Variants in STON1 observed in about 807,000 individuals in gnomAD.
The protein encoded by STON1 is stonin 1.
In STON1, 79 loss-of-function variants were observed where a neutral mutation model predicts 60.9. The ratio of observed to expected loss-of-function variants is 1.30; its 90% confidence interval spans 1.08 to 1.56. The LOEUF is 1.56. Ranked by LOEUF, STON1 falls within the 40% of genes most tolerant of loss-of-function variation. The probability of loss-of-function intolerance (pLI) is 0.00; values close to 1 mark genes in which losing one functional copy is unlikely to be tolerated. For missense variants in STON1, 1,166 were observed against 858.9 expected (o/e 1.36, Z -4.47); for synonymous variants, 363 against 306.9 (o/e 1.18, Z -1.91).
chr2:48,557,763 T>C (rs1159595909), intron 1 of STON1, among the ~76,000 whole-genome samples: 1 of 152,248 alleles, frequency 6.6e-6, no homozygotes, highest in East Asian at 1.9e-4. Flanking sequence ...CCTTTGGTAG[T>C]CTTTGAAATT....
Position 48,582,377 on chromosome 2 carries a change from C to G in STON1, c.1744C>G (p.Leu582Val), listed in dbSNP as rs755254150. The stretch of plus-strand genomic sequence containing the variant: ...TGTCCCATCGCAGTGGATCAAGGCC[C>G]TTTGGACCATGAACCTCCAGAGGCA... ...FPVPSQWIKALWTMNLQRQKS... is the reference protein window; with the variant it reads ...FPVPSQWIKAVWTMNLQRQKS... Residue 582 changes from leucine to valine, a missense_variant, in exon 2 of 4, where the codon CTT (leucine) becomes GTT (valine). Leu to Val is a conservative substitution (Grantham distance 32). Transcript: ENST00000404752. 1.2e-5 allele frequency: 19 copies of G among 1,613,996 alleles called. No individual in the cohort carries two copies. The South Asian group carries it at 2.1e-4, about 18-fold the overall frequency.
Position 48,539,532 on chromosome 2 carries a change from C to T in STON1, c.-48+9316C>T, listed in dbSNP as rs111276250. The stretch of plus-strand genomic sequence containing the variant: ...TCTTTTTTGAGATGGGATGGAGTCT[C>T]GCTCTGTCACCCAGGCTGGAGTGCA... On this transcript the variant is annotated intron_variant, in intron 1 of 3. Transcript: ENST00000404752. 6.4e-3 allele frequency among the ~76,000 whole-genome samples: 969 copies of T among 152,054 alleles called. 11 individuals carry two copies. The highest frequency in any genetic ancestry group is 0.022 in the African/African-American group (905 of 41,498).
Position 48,580,886 on chromosome 2 carries a change from A to C in STON1, c.253A>C (p.Thr85Pro). The change falls in exon 2 of 4, where the codon ACC becomes CCC. Residue 85 changes from threonine to proline, a missense_variant. Transcript: ENST00000404752. ...AAGTAACTCTCCTCTTTCTACACCTACCAAAGACTTCCCAGGTTTTCCTGG... is the reference window on the plus strand; with the variant it reads ...AAGTAACTCTCCTCTTTCTACACCTCCCAAAGACTTCCCAGGTTTTCCTGG... ...PPSNSPLSTP[T>P]KDFPGFPGIP... 3 of 1,589,974 alleles carry C rather than the reference A, an allele frequency of 1.9e-6. No homozygotes were observed. The highest frequency in any genetic ancestry group is 2.6e-6 in the Non-Finnish European group (3 of 1,170,260).
chr2:48,551,713 A>T (rs1023489968), intron 1 of STON1, among the ~76,000 whole-genome samples: 1 of 152,212 alleles, frequency 6.6e-6, no homozygotes, highest in Admixed American at 6.5e-5. Context: ...GCATGTAAAA[A>T]ACTCTGGGAT....
At chr2:48,536,810 A>G (rs1015669742) in intron 1 of STON1, among the ~76,000 whole-genome samples, 1 of 152,152 alleles carries the variant, frequency 6.6e-6, no homozygotes, top group Non-Finnish European at 1.5e-5. Context: ...CAGGTGAATG[A>G]TTACTGGTGA....
chr2:48,532,290 A>C (rs1415267859), intron 1 of STON1, among the ~76,000 whole-genome samples: 1 of 151,932 alleles, frequency 6.6e-6, no homozygotes, highest in African/African-American at 2.4e-5. Flanking sequence ...CGGAGGTTGC[A>C]GTGAGCCGAG....
intron 1 of STON1, among the ~76,000 whole-genome samples, chr2:48,571,682 C>G (rs777266409): frequency 6.6e-6 from 1 of 152,126 alleles, no homozygotes; most frequent in Non-Finnish European, 1.5e-5. Flanking sequence ...AGGCTCTGGA[C>G]AGGGTGTGGC....
chr2:48,591,614 A>C (rs547609408), intron 2 of STON1, 39 bp from the exon 3 acceptor site: 1 of 1,605,464 alleles, frequency 6.2e-7, no homozygotes, highest in Admixed American at 1.7e-5. Flanking sequence ...TTCAATGGCC[A>C]TTAAAATACT....
At position 48,570,001 on chromosome 2, in the gene STON1, C is replaced by T. The variant is rs35106332; in HGVS notation, c.-47-10586C>T. 6.9e-3 allele frequency among the ~76,000 whole-genome samples: 1,044 copies of T among 152,168 alleles called. 8 individuals carry two copies. The highest frequency in any genetic ancestry group is 0.012 in the Non-Finnish European group (821 of 68,010). ...TGTTTGTGAAAGATGTATTTTTAAA[C>T]GATTTAGAGTCAATTCATGATAATC... On this transcript the variant is annotated intron_variant, in intron 1 of 3. Transcript: ENST00000404752.
At chr2:48,558,165 G>GT (rs1444685114) in intron 1 of STON1, among the ~76,000 whole-genome samples, 5 of 152,232 alleles carry the variant, frequency 3.3e-5, no homozygotes, top group Non-Finnish European at 7.3e-5. Context: ...AGAGGCGGCA[G>GT]TGAGCCAAGA....
intron 1 of STON1, among the ~76,000 whole-genome samples, chr2:48,558,040 T>C (rs1226219519): frequency 6.6e-6 from 1 of 152,114 alleles, no homozygotes; most frequent in African/African-American, 2.4e-5. Flanking sequence ...ATGACCAATA[T>C]GGAGAAACCC....
chr2:48,558,185 T>C (rs1024553930), intron 1 of STON1, among the ~76,000 whole-genome samples: 2 of 152,340 alleles, frequency 1.3e-5, no homozygotes, highest in African/African-American at 4.8e-5. Flanking sequence ...ATCGCACCAT[T>C]GCACTTCTAG....
At position 48,572,367 on chromosome 2, in the gene STON1, C is replaced by T. The variant is rs892094134; in HGVS notation, c.-47-8220C>T. Among the ~76,000 whole-genome samples the T allele has an allele frequency of 5.9e-5, 9 of 152,272 alleles. No homozygotes were observed. In the East Asian group the frequency reaches 1.7e-3, roughly 29 times the overall value. ...TATTTGGTTGAATAAACTCACATCA[C>T]ATTTGCTGAGTGCCTCCTATGGAAG... is the stretch of plus-strand genomic sequence containing the variant. On this transcript the variant is annotated intron_variant, in intron 1 of 3. Coordinates refer to ENST00000404752, the MANE Select transcript of STON1 (RefSeq NM_006873.4).
At chr2:48,547,961 C>A (rs1380571534) in intron 1 of STON1, among the ~76,000 whole-genome samples, 1 of 152,186 alleles carries the variant, frequency 6.6e-6, no homozygotes, top group Non-Finnish European at 1.5e-5. Flanking sequence ...TTTTTTTCTG[C>A]TTCTCATGTC....
At chr2:48,541,903 G>A (rs948475802) in intron 1 of STON1, among the ~76,000 whole-genome samples, 1 of 152,126 alleles carries the variant, frequency 6.6e-6, no homozygotes, top group African/African-American at 2.4e-5. Flanking sequence ...TCTGGCCAAT[G>A]TTTTCAGTCC....
intron 3 of STON1, among the ~76,000 whole-genome samples, chr2:48,593,067 A>G (rs962534769): frequency 6.6e-6 from 1 of 152,038 alleles, no homozygotes; most frequent in Non-Finnish European, 1.5e-5. Flanking sequence ...CCTGCCACAT[A>G]TTTCCCACAG....
intron 1 of STON1, among the ~76,000 whole-genome samples, chr2:48,546,017 A>G (rs1361316157): frequency 1.3e-5 from 2 of 152,088 alleles, no homozygotes; most frequent in African/African-American, 4.8e-5. Flanking sequence ...CTCCTCTTAT[A>G]TTTCATACTT....
At chr2:48,563,673 T>A (rs1672701969) in intron 1 of STON1, among the ~76,000 whole-genome samples, 1 of 140,394 alleles carries the variant, frequency 7.1e-6, no homozygotes, top group South Asian at 2.4e-4. Context: ...CACGTGGCTT[T>A]TTTTGTTTGT....
chr2:48,573,920 C>T (rs954085835), intron 1 of STON1, among the ~76,000 whole-genome samples: 19 of 152,144 alleles, frequency 1.2e-4, no homozygotes, highest in Admixed American at 9.8e-4. Context: ...AAGCCAGACA[C>T]AAAAGCCATA....
Sources: allele counts gnomAD v4.1 joint callset (sites outside exome capture counted in the v4.1 genomes callset), GRCh38; gene constraint gnomAD v4.1.1; transcripts MANE v1.5; gene names NCBI Gene and HGNC (gene_info 2026-07-23, HGNC 2026-07-21).